ANOS1: variants seen among roughly 807,000 people sequenced by gnomAD.
The protein encoded by ANOS1 is anosmin 1, also known as anosmin-1.
A neutral mutation model predicts 59.0 loss-of-function variants in ANOS1; 6 were observed. The ratio of observed to expected loss-of-function variants is 0.10; its 90% CI spans 0.06 to 0.20. The LOEUF (loss-of-function observed/expected upper bound fraction) is 0.20. Ranked by LOEUF, ANOS1 falls within the 10% of genes least tolerant of loss-of-function variation. The pLI, the probability that ANOS1 is intolerant of heterozygous loss-of-function variation, is 1.00. For synonymous variants in ANOS1, 217 were observed against 223.4 expected, an observed-to-expected ratio of 0.97 and a Z score of 0.25; for missense variants, 433 against 542.3, an observed-to-expected ratio of 0.80 and a Z score of 2.00.
At chrX:8,559,377 C>A (rs992936539) in intron 8 of ANOS1, among the ~76,000 whole-genome samples, 2 of 111,319 alleles carry the variant, frequency 1.8e-5, no homozygotes, top group Non-Finnish European at 3.8e-5. Flanking sequence ...GTATTCAACA[C>A]ATATTCGTTG....
chrX:8,637,955 T>C (rs1329355820), intron 2 of ANOS1, among the ~76,000 whole-genome samples: 2 of 112,256 alleles, frequency 1.8e-5, no homozygotes, highest in Non-Finnish European at 3.8e-5. Flanking sequence ...TCTGCTGCAG[T>C]CTTCAAGTCT....
intron 2 of ANOS1, among the ~76,000 whole-genome samples, chrX:8,625,449 G>A (rs5978927): frequency 0.36 from 40,233 of 110,649 alleles, 5,690 homozygotes; most frequent in Middle Eastern, 0.53. Flanking sequence ...GTAGAATTCC[G>A]GATATATGGT....
intron 6 of ANOS1, among the ~76,000 whole-genome samples, chrX:8,576,461 T>C (rs1324052763): frequency 2.0e-5 from 2 of 98,058 alleles, no homozygotes; most frequent in African/African-American, 8.5e-5. Flanking sequence ...AATTTATATA[T>C]ATATATACAC....
chrX:8,725,713 TATATATATATACAGATATATATATACAG>T (rs1202912111), intron 1 of ANOS1, among the ~76,000 whole-genome samples: 3 of 49,942 alleles, frequency 6.0e-5, no homozygotes, highest in Non-Finnish European at 1.0e-4. Context: ...TATATACAGA[TATATATATATACAGATATATATATACAG>T]ATATATATAT....
intron 2 of ANOS1, among the ~76,000 whole-genome samples, chrX:8,662,309 A>C (rs191284333): frequency 8.9e-6 from 1 of 112,144 alleles, no homozygotes; most frequent in East Asian, 2.8e-4. Flanking sequence ...ATGCTTTGCC[A>C]TCACTGTCTT....
At chrX:8,595,809 T>C (rs900220248) in intron 4 of ANOS1, among the ~76,000 whole-genome samples, 1 of 111,291 alleles carries the variant, frequency 9.0e-6, no homozygotes, top group Admixed American at 9.5e-5. Flanking sequence ...CTGTGGCCTG[T>C]TAGGAACTGG....
At chrX:8,695,244 G>A (rs757708006) in intron 2 of ANOS1, among the ~76,000 whole-genome samples, 67 of 111,877 alleles carry the variant, frequency 6.0e-4, no homozygotes, top group African/African-American at 1.7e-3. Flanking sequence ...CCCAGGAGGC[G>A]GAGGTTGCAG....
chrX:8,604,347 C>T (rs938341526), intron 3 of ANOS1, among the ~76,000 whole-genome samples: 5 of 111,570 alleles, frequency 4.5e-5, no homozygotes, highest in Admixed American at 9.6e-5. Flanking sequence ...TTGGAAAGAA[C>T]CGCAGATGGT....
intron 2 of ANOS1, among the ~76,000 whole-genome samples, chrX:8,648,136 G>T (rs1414085836): frequency 4.5e-5 from 5 of 111,957 alleles, no homozygotes; most frequent in African/African-American, 1.6e-4. Flanking sequence ...CAATTTATAT[G>T]CCTCCAAAGT....
chrX:8,681,968 G>A (rs183815653), intron 2 of ANOS1, among the ~76,000 whole-genome samples: 1 of 111,338 alleles, frequency 9.0e-6, no homozygotes, highest in East Asian at 2.8e-4. Flanking sequence ...ACACTGATTG[G>A]GGGTACACTT....
chrX:8,688,695 T>C (rs948148756), intron 2 of ANOS1, among the ~76,000 whole-genome samples: 1 of 112,137 alleles, frequency 8.9e-6, no homozygotes, highest in Non-Finnish European at 1.9e-5. Flanking sequence ...AGAAACACAC[T>C]GAGCTATTAA....
chrX:8,571,252 G>T (rs992985506), intron 6 of ANOS1, among the ~76,000 whole-genome samples: 2 of 111,346 alleles, frequency 1.8e-5, no homozygotes, highest in Non-Finnish European at 3.8e-5. Flanking sequence ...AATACAGAAG[G>T]ATCGTTTTAG....
intron 6 of ANOS1, among the ~76,000 whole-genome samples, chrX:8,580,214 T>A (rs960729058): frequency 8.9e-6 from 1 of 112,334 alleles, no homozygotes; most frequent in African/African-American, 3.2e-5. Flanking sequence ...CAGTCCCACA[T>A]TCTAAATAAA....
chrX:8,641,852 C>T (rs1002650477), intron 2 of ANOS1, among the ~76,000 whole-genome samples: 17 of 108,592 alleles, frequency 1.6e-4, no homozygotes, highest in African/African-American at 5.7e-4. Context: ...TCCATTCTGC[C>T]GGGTTTTTTT....
intron 2 of ANOS1, among the ~76,000 whole-genome samples, chrX:8,653,415 A>G (rs1033260776): frequency 2.2e-4 from 24 of 110,926 alleles, no homozygotes; most frequent in Admixed American, 3.9e-4. Flanking sequence ...CCTAGTAACC[A>G]GATAGTGGAT....
At chrX:8,539,629 C>T in intron 10 of ANOS1, 35 bp downstream of exon 10, 7 of 1,210,586 alleles carry the variant, frequency 5.8e-6, no homozygotes, top group Non-Finnish European at 7.8e-6. Flanking sequence ...TAATTATGTT[C>T]ACAGATCAAG....
intron 3 of ANOS1, among the ~76,000 whole-genome samples, chrX:8,606,890 G>A (rs1342769986): frequency 8.9e-6 from 1 of 112,944 alleles, no homozygotes; most frequent in Non-Finnish European, 1.9e-5. Flanking sequence ...GGCCAAGGCA[G>A]ACAGATCACT....
chrX:8,550,875 C>T lies in ANOS1; in HGVS notation c.1354+3077G>A, dbSNP rs760754784. ...TGATATGATTTGGCTATGTCCCCAC[C>T]CAAATCTCATCTTGAATTGTAGCTC... On this transcript the variant is annotated intron_variant, in intron 9 of 13. Coordinates refer to ENST00000262648, the MANE Select transcript of ANOS1 (RefSeq NM_000216.4). 7.2e-5 allele frequency among the ~76,000 whole-genome samples: 8 copies of T among 111,300 alleles called. No homozygotes were observed. The South Asian group carries it at 3.0e-3, about 42-fold the overall frequency.
At chrX:8,651,497 G>A (rs1303307510) in intron 2 of ANOS1, among the ~76,000 whole-genome samples, 1 of 112,336 alleles carries the variant, frequency 8.9e-6, no homozygotes, top group Admixed American at 9.4e-5. Context: ...TCAAAGCTAT[G>A]TTCTCACCAA....
Sources: allele counts gnomAD v4.1 joint callset (sites outside exome capture counted in the v4.1 genomes callset), GRCh38; gene constraint gnomAD v4.1.1; transcripts MANE v1.5; gene names NCBI Gene and HGNC (gene_info 2026-07-23, HGNC 2026-07-21).